SLC35F3: variants seen among roughly 807,000 people sequenced by gnomAD.
SLC35F3 encodes the protein solute carrier family 35 member F3.
A neutral mutation model predicts 49.9 loss-of-function variants in SLC35F3; 25 were observed. That is an observed-to-expected ratio of 0.50 (90% confidence interval 0.37 to 0.70). SLC35F3 has a LOEUF of 0.70. SLC35F3 is among the 30% of genes least tolerant of loss of function. The pLI is 0.00. For synonymous variants in SLC35F3, 275 were observed against 265.4 expected (o/e 1.04, Z -0.35); for missense variants, 525 against 639.8 (o/e 0.82, Z 1.94).
chr1:234,156,745 C>CA (rs1205464175), intron 2 of SLC35F3, among the ~76,000 whole-genome samples: 1 of 151,848 alleles, frequency 6.6e-6, no homozygotes, highest in Non-Finnish European at 1.5e-5. Flanking sequence ...AATAAATAAA[C>CA]AAAATGTGAT....
At chr1:233,991,445 A>AT (rs1558198914) in intron 2 of SLC35F3, among the ~76,000 whole-genome samples, 2 of 152,132 alleles carry the variant, frequency 1.3e-5, no homozygotes, top group Non-Finnish European at 2.9e-5. Flanking sequence ...AGAAAAAAAA[A>AT]GAAAAAGAAA....
chr1:234,002,923 C>T (rs1663575065), intron 2 of SLC35F3, among the ~76,000 whole-genome samples: 1 of 152,110 alleles, frequency 6.6e-6, no homozygotes, highest in Admixed American at 6.5e-5. Context: ...TTGCATTGTT[C>T]TGGATGTGCC....
intron 3 of SLC35F3, among the ~76,000 whole-genome samples, chr1:234,251,211 G>T (rs1558273969): frequency 1.3e-5 from 2 of 152,096 alleles, no homozygotes; most frequent in Non-Finnish European, 2.9e-5. Context: ...TGCTCAAGAG[G>T]TAAAGGAAAT....
At chr1:234,007,730 C>T (rs908137374) in intron 2 of SLC35F3, among the ~76,000 whole-genome samples, 5 of 152,180 alleles carry the variant, frequency 3.3e-5, no homozygotes, top group African/African-American at 1.2e-4. Context: ...GGTTAATGGG[C>T]AGTCATTGCA....
chr1:233,948,394 A>G (rs750044771), intron 2 of SLC35F3, among the ~76,000 whole-genome samples: 1 of 152,056 alleles, frequency 6.6e-6, no homozygotes, highest in Non-Finnish European at 1.5e-5. Flanking sequence ...AGGGATTTCC[A>G]TGTCAATCTC....
chr1:234,204,740 T>C (rs972304890), intron 2 of SLC35F3, among the ~76,000 whole-genome samples: 1 of 152,232 alleles, frequency 6.6e-6, no homozygotes, highest in Non-Finnish European at 1.5e-5. Context: ...AAATCCATCT[T>C]TGGGAAAAGG....
intron 2 of SLC35F3, among the ~76,000 whole-genome samples, chr1:234,228,175 T>C (rs1182773933): frequency 6.6e-6 from 1 of 152,222 alleles, no homozygotes; most frequent in African/African-American, 2.4e-5. Context: ...AGTGACGAGA[T>C]GGCAGTGCAT....
intron 2 of SLC35F3, among the ~76,000 whole-genome samples, chr1:234,016,694 A>C (rs1663807041): frequency 6.6e-6 from 1 of 152,240 alleles, no homozygotes; most frequent in African/African-American, 2.4e-5. Context: ...AATTTGATGA[A>C]TGTATTTCAA....
At chr1:234,259,209 T>C (rs1429896724) in intron 3 of SLC35F3, among the ~76,000 whole-genome samples, 1 of 152,200 alleles carries the variant, frequency 6.6e-6, no homozygotes, top group Non-Finnish European at 1.5e-5. Flanking sequence ...AAGATTCTTA[T>C]TCCTATTGTG....
At chr1:234,312,521 G>C (rs886398738) in intron 4 of SLC35F3, among the ~76,000 whole-genome samples, 17 of 152,156 alleles carry the variant, frequency 1.1e-4, no homozygotes, top group African/African-American at 3.9e-4. Context: ...CTGTGTGGGG[G>C]GCTGCCCTCT....
chr1:233,909,120 G>A (rs965765761), intron 2 of SLC35F3, among the ~76,000 whole-genome samples: 4 of 152,226 alleles, frequency 2.6e-5, no homozygotes, highest in African/African-American at 9.6e-5. Context: ...GCCTCCCAAA[G>A]TAATGGGATT....
chr1:233,907,789 G>T (rs1661800199), intron 2 of SLC35F3, among the ~76,000 whole-genome samples: 1 of 152,062 alleles, frequency 6.6e-6, no homozygotes, highest in African/African-American at 2.4e-5. Context: ...GCAGTGGCAT[G>T]ATCTTGGCTC....
intron 2 of SLC35F3, among the ~76,000 whole-genome samples, chr1:234,070,110 C>T (rs1412880475): frequency 3.9e-5 from 6 of 152,198 alleles, no homozygotes; most frequent in Non-Finnish European, 7.3e-5. Context: ...ACATACTCTG[C>T]GGGATTCAAG....
At chr1:234,067,673 A>G (rs1664643101) in intron 2 of SLC35F3, among the ~76,000 whole-genome samples, 1 of 152,186 alleles carries the variant, frequency 6.6e-6, no homozygotes, top group Admixed American at 6.5e-5. Flanking sequence ...GTCCCAGCCA[A>G]TAGCCAGCAC....
intron 2 of SLC35F3, among the ~76,000 whole-genome samples, chr1:234,055,897 T>G (rs573090831): frequency 1.3e-5 from 2 of 152,354 alleles, no homozygotes; most frequent in African/African-American, 4.8e-5. Context: ...TATTTTATAA[T>G]TGGATATTAC....
chr1:234,207,266 A>G (rs1184131567), intron 2 of SLC35F3, among the ~76,000 whole-genome samples: 1 of 151,096 alleles, frequency 6.6e-6, no homozygotes, highest in Admixed American at 6.6e-5. Flanking sequence ...CCGTGGCTTC[A>G]TCACTCCTGG....
chr1:234,030,268 G>T (rs1664041001), intron 2 of SLC35F3, among the ~76,000 whole-genome samples: 1 of 152,144 alleles, frequency 6.6e-6, no homozygotes, highest in African/African-American at 2.4e-5. Flanking sequence ...GCCTTCCACA[G>T]TGCTGTCTGT....
At chr1:233,910,171 T>A (rs185405430) in intron 2 of SLC35F3, among the ~76,000 whole-genome samples, 61 of 152,394 alleles carry the variant, frequency 4.0e-4, no homozygotes, top group African/African-American at 1.4e-3. Context: ...TTTGCCCCAG[T>A]AGAAGAGAAA....
chr1:233,952,294 C>T (rs1461312267), intron 2 of SLC35F3, among the ~76,000 whole-genome samples: 1 of 152,126 alleles, frequency 6.6e-6, no homozygotes, highest in African/African-American at 2.4e-5. Flanking sequence ...CTGCCATTTG[C>T]TTTTACCATG....
Sources: gnomAD v4.1 joint callset for allele counts (sites outside exome capture counted in the v4.1 genomes callset) on GRCh38, gnomAD v4.1.1 for gene constraint, MANE v1.5 for transcripts, NCBI Gene and HGNC (gene_info 2026-07-23, HGNC 2026-07-21) for gene names.